The following TSR1 variants were observed in gnomAD, a reference collection of about 807,000 sequenced individuals.
The protein encoded by TSR1 is pre-rRNA-processing protein TSR1 homolog.
Under a neutral mutation model 90.9 loss-of-function variants are expected in TSR1, and 81 were observed. The ratio of observed to expected loss-of-function variants is 0.89; its 90% confidence interval spans 0.74 to 1.07. TSR1 has a LOEUF of 1.07. TSR1 is among the 50% of genes least tolerant of loss of function. TSR1 has a pLI of 0.00. For missense variants in TSR1, 989 were observed against 987.3 expected (o/e 1.00, Z -0.02); for synonymous variants, 362 against 348.8 (o/e 1.04, Z -0.42).
rs746573921 is a variant in TSR1, at chr17:2,333,023, C to A, written c.1243G>T (p.Glu415Ter). The A allele has an allele frequency of 6.2e-7, 1 of 1,614,118 alleles. No individual in the cohort carries two copies. Among genetic ancestry groups the A allele is most frequent in the South Asian group, 1.1e-5 (1 of 91,068 alleles). ...ILDGGSQSGG[E>*]GDEYEYDDME... ...TCATCATATTCATATTCATCTCCTT[C>A]CCCACCACTTTGGCTGCCACCATCC... is the stretch of plus-strand genomic sequence containing the variant. The change falls in exon 7 of 15, where the codon GAA becomes TAA. Residue 415 changes from glutamate (E) to a stop codon, truncating the protein, a stop_gained. Coordinates refer to ENST00000301364, the MANE Select transcript of TSR1 (RefSeq NM_018128.5). LOFTEE classifies it high-confidence loss of function.
chr17:2,324,289 GA>G lies in TSR1; in HGVS notation c.2321del (p.Phe774SerfsTer17), dbSNP rs752829427. The part of the protein sequence containing the change: ...TVLMNLYKRV[F>X]PKWTYDPYVP... ...CATATGGATCATAAGTCCATTTGGGGAAGACTCGTTTATACAGGTTCATCAG... is the reference window on the plus strand; with the variant it reads ...CATATGGATCATAAGTCCATTTGGGGAGACTCGTTTATACAGGTTCATCAG... On this transcript the variant is annotated frameshift_variant, in exon 15 of 15. Transcript: ENST00000301364. LOFTEE classifies it high-confidence loss of function. 6 of 1,556,940 alleles carry G rather than the reference GA, an allele frequency of 3.9e-6. No homozygotes were observed. In the South Asian group the frequency reaches 7.5e-5, roughly 19 times the overall value.
Position 2,323,125 on chromosome 17 carries a change from C to T in TSR1, c.*1071G>A. ...TTTGTTGTTAAGATGTCTTAATATT[C>T]CTCTTCCCAGGCTCTGAAACCTAGT... On this transcript the variant is annotated 3_prime_UTR_variant, in exon 15 of 15. Transcript: ENST00000301364. 1 of 1,613,762 alleles carries T rather than the reference C, an allele frequency of 6.2e-7. No individual in the cohort carries two copies. Among genetic ancestry groups the T allele is most frequent in the Non-Finnish European group, 8.5e-7 (1 of 1,179,722 alleles).
chr17:2,325,332 A>C lies in TSR1; in HGVS notation c.1992T>G (p.Ser664=). The part of the protein sequence containing the change: ...VYAPITFPPA[S]VLLFKQKSNG... ...TGCTTTTTTGCTTGAAAAGCAGCAC[A>C]GATGCAGGAGGAAAAGTGATTGGCG... Residue 664 remains serine (S), a synonymous_variant, in exon 12 of 15, where the codon TCT becomes TCG. Transcript: ENST00000301364. The C allele has an allele frequency of 6.2e-7, 1 of 1,613,270 alleles. No homozygotes were observed. Among genetic ancestry groups the C allele is most frequent in the Non-Finnish European group, 8.5e-7 (1 of 1,179,876 alleles).
chr17:2,328,932 A>C, intron 11 of TSR1: 1 of 240,906 alleles, frequency 4.2e-6, no homozygotes, highest in South Asian at 4.7e-5. Flanking sequence ...AAAAAAAAAA[A>C]AAAAAAAAAA....
chr17:2,330,175 T>C (rs2075596521), intron 10 of TSR1: 4 of 454,244 alleles, frequency 8.8e-6, no homozygotes, highest in South Asian at 6.7e-5. Flanking sequence ...CACCTTGGCC[T>C]CCCAAAAAGT....
intron 10 of TSR1, 117 bp from the exon 11 acceptor site, chr17:2,329,592 A>G: frequency 2.4e-6 from 3 of 1,260,160 alleles, no homozygotes; most frequent in Non-Finnish European, 3.3e-6. Context: ...TGACAATGCT[A>G]ATTAATGGTG....
In TSR1 at chr17:2,326,827, G is replaced by A. The variant is rs372010103; in HGVS notation, c.1904-1407C>T. On this transcript the variant is annotated intron_variant, in intron 11 of 14. Coordinates refer to ENST00000301364, the MANE Select transcript of TSR1 (RefSeq NM_018128.5). ...TAATTAAAAAGAAAAATTTTTGGCC[G>A]GGCGCAGTGGCTCATGCCTGTAATC... Among the ~76,000 whole-genome samples, 31 of 152,274 alleles carry A rather than the reference G, an allele frequency of 2.0e-4. No homozygotes were observed. The South Asian group carries it at 5.6e-3, about 27-fold the overall frequency.
At position 2,333,645 on chromosome 17, in the gene TSR1, T is replaced by C; in HGVS notation, c.1053A>G (p.Arg351=). 1 of 1,614,162 alleles carries C rather than the reference T, an allele frequency of 6.2e-7. No individual in the cohort carries two copies. Among genetic ancestry groups the C allele is most frequent in the African/African-American group, 1.3e-5 (1 of 75,014 alleles). The change falls in exon 6 of 15, where the codon AGA becomes AGG. Residue 351 remains arginine, a synonymous_variant. Coordinates refer to ENST00000301364, the MANE Select transcript of TSR1 (RefSeq NM_018128.5). ...TAACCTCTGCTTGCAAGGATTCCTG[T>C]CTACCAGGGTCTGCCTTCATTAGGA... ...LKVLMKADPG[R]QESLQAEVIP... is the part of the protein sequence containing the mutation.
At position 2,323,789 on chromosome 17, in the gene TSR1, T is replaced by C; in HGVS notation, c.*407A>G. ...TAAAGAACATTTGTATTGTGCTCAG[T>C]GGTGGAAATGTAGACTTAACCTCCT... is the stretch of plus-strand genomic sequence containing the variant. On this transcript the variant is annotated 3_prime_UTR_variant, in exon 15 of 15. Coordinates refer to ENST00000301364, the MANE Select transcript of TSR1 (RefSeq NM_018128.5). 1 of 1,614,182 alleles carries C rather than the reference T, an allele frequency of 6.2e-7. No homozygotes were observed. Among genetic ancestry groups the C allele is most frequent in the Non-Finnish European group, 8.5e-7 (1 of 1,180,036 alleles).
Position 2,336,318 on chromosome 17 carries a change from G to T in TSR1, c.97+13C>A. On this transcript the variant is annotated intron_variant, in intron 1 of 14. Coordinates refer to ENST00000301364, the MANE Select transcript of TSR1 (RefSeq NM_018128.5). ...GCCAAATAGCCCTTATTCCTTCTACGTTATCTCCTTACCCTTGCCGTCCCG... is the reference window on the plus strand; with the variant it reads ...GCCAAATAGCCCTTATTCCTTCTACTTTATCTCCTTACCCTTGCCGTCCCG... 1.9e-6 allele frequency: 3 copies of T among 1,614,124 alleles called. No homozygotes were observed. Among genetic ancestry groups the T allele is most frequent in the South Asian group, 1.1e-5 (1 of 91,090 alleles).
intron 11 of TSR1, among the ~76,000 whole-genome samples, chr17:2,327,118 AT>A (rs957744678): frequency 1.7e-4 from 24 of 145,070 alleles, no homozygotes; most frequent in African/African-American, 3.9e-4. Flanking sequence ...AAAAAAAAAA[AT>A]TTTTTTTTCG....
Position 2,323,410 on chromosome 17 carries a change from C to A in TSR1, c.*786G>T. On this transcript the variant is annotated 3_prime_UTR_variant, in exon 15 of 15. Coordinates refer to ENST00000301364, the MANE Select transcript of TSR1 (RefSeq NM_018128.5). ...TAACTTCTTAGGCAGAAGAAACTTC[C>A]CTTAGGAGTAGCAAGTGACCCACGG... 6.3e-7 allele frequency: 1 copy of A among 1,585,116 alleles called. No homozygotes were observed. The highest frequency in any genetic ancestry group is 8.6e-7 in the Non-Finnish European group (1 of 1,156,624).
chr17:2,332,753 C>T (rs1294552674), intron 7 of TSR1, among the ~76,000 whole-genome samples: 3 of 152,084 alleles, frequency 2.0e-5, no homozygotes, highest in South Asian at 2.1e-4. Flanking sequence ...AGGAGAATGG[C>T]GTGAACCCAG....
intron 11 of TSR1, 165 bp downstream of exon 11, chr17:2,329,178 C>G (rs779706356): frequency 1.8e-6 from 2 of 1,123,308 alleles, no homozygotes; most frequent in African/African-American, 3.0e-5. Context: ...CAGACAGGTT[C>G]AGACATTTTG....
chr17:2,336,109 C>A lies in TSR1; in HGVS notation c.129G>T (p.Lys43Asn), dbSNP rs573232832. 2 of 1,614,170 alleles carry A rather than the reference C, an allele frequency of 1.2e-6. No homozygotes were observed. The highest frequency in any genetic ancestry group is 3.3e-5 in the Admixed American group (2 of 60,024). ...GRLALKTLSK[K>N]VRKELSRVDQ... The stretch of plus-strand genomic sequence containing the variant: ...CGACTCTGCTGAGTTCTTTTCTCAC[C>A]TTCTTGCTTAGGGTTTTCAGTGCCA... The change falls in exon 2 of 15, where the codon AAG becomes AAT. Residue 43 changes from lysine (K) to asparagine (N), a missense_variant. Lys to Asn is a moderately conservative substitution (Grantham distance 94). Coordinates refer to ENST00000301364, the MANE Select transcript of TSR1 (RefSeq NM_018128.5).
rs1466472510 is a variant in TSR1, at chr17:2,323,733, T to A, written c.*463A>T. 6.2e-7 allele frequency: 1 copy of A among 1,614,218 alleles called. No individual in the cohort carries two copies. Among genetic ancestry groups the A allele is most frequent in the Non-Finnish European group, 8.5e-7 (1 of 1,180,030 alleles). ...TGGTGTTGGAGTGGCTGCTGTGCTG[T>A]CTCAACATTTTCAAACTGTTTCCCC... On this transcript the variant is annotated 3_prime_UTR_variant, in exon 15 of 15. Transcript: ENST00000301364.
Position 2,324,493 on chromosome 17 carries a change from T to C in TSR1, c.2236+11A>G. 6.2e-7 allele frequency: 1 copy of C among 1,614,216 alleles called. No homozygotes were observed. The highest frequency in any genetic ancestry group is 8.5e-7 in the Non-Finnish European group (1 of 1,180,026). ...AATGCAGACATGGTCTCAAATCCCG[T>C]GTTTCCTTACCTAAAGGTTCCTTGA... On this transcript the variant is annotated intron_variant, in intron 14 of 14. Transcript: ENST00000301364.
At chr17:2,331,532 TC>T (rs2064003028) in intron 8 of TSR1, among the ~76,000 whole-genome samples, 1 of 123,288 alleles carries the variant, frequency 8.1e-6, no homozygotes, top group Admixed American at 8.6e-5. Context: ...CCTGCCTTGC[TC>T]TCGTTACTGC....
rs766962874 is a variant in TSR1 at position 2,327,899 on chromosome 17, T to C, written c.1903+1444A>G. 5.3e-5 allele frequency among the ~76,000 whole-genome samples: 8 copies of C among 152,040 alleles called. No homozygotes were observed. In the South Asian group the frequency reaches 6.2e-4, roughly 12 times the overall value. On this transcript the variant is annotated intron_variant, in intron 11 of 14. Coordinates refer to ENST00000301364, the MANE Select transcript of TSR1 (RefSeq NM_018128.5). ...ACATTATTCCTTATTTTCCCAACTG[T>C]ATAAAATATGAAAATAGTTCATCCT...
Sources: gnomAD v4.1 joint callset for allele counts (sites outside exome capture counted in the v4.1 genomes callset) on GRCh38, gnomAD v4.1.1 for gene constraint, MANE v1.5 for transcripts, NCBI Gene and HGNC (gene_info 2026-07-23, HGNC 2026-07-21) for gene names.